KCND2: variants seen among roughly 807,000 people sequenced by gnomAD.
KCND2 encodes potassium voltage-gated channel subfamily D member 2, also known as A-type voltage-gated potassium channel KCND2.
A neutral mutation model predicts 54.4 loss-of-function variants in KCND2; 16 were observed. That is an observed-to-expected ratio of 0.29 (90% CI 0.20 to 0.45). The LOEUF (loss-of-function observed/expected upper bound fraction) is 0.45, where lower values mean the gene tolerates loss of function less well. Ranked by LOEUF, KCND2 falls within the 20% of genes least tolerant of loss-of-function variation. The probability of loss-of-function intolerance (pLI) is 1.00; values close to 1 mark genes in which losing one functional copy is unlikely to be tolerated. For missense variants in KCND2, 486 were observed against 824.2 expected (o/e 0.59, Z 5.02); for synonymous variants, 317 against 310.7 (o/e 1.02, Z -0.21).
At chr7:120,509,692 A>G (rs1352025720) in intron 1 of KCND2, among the ~76,000 whole-genome samples, 1 of 152,084 alleles carries the variant, frequency 6.6e-6, no homozygotes, top group Admixed American at 6.6e-5. Context: ...TTAAGTTGCT[A>G]CAATAGTTTT....
chr7:120,586,539 GGA>G (rs1486220964), intron 1 of KCND2, among the ~76,000 whole-genome samples: 1 of 152,108 alleles, frequency 6.6e-6, no homozygotes, highest in Non-Finnish European at 1.5e-5. Context: ...CACAAATGAA[GGA>G]TTTTTGTCAC....
chr7:120,688,110 A>G (rs892603080), intron 1 of KCND2, among the ~76,000 whole-genome samples: 1 of 152,204 alleles, frequency 6.6e-6, no homozygotes, highest in African/African-American at 2.4e-5. Flanking sequence ...AAGCCAAGCT[A>G]TGTACAGATA....
chr7:120,648,278 G>C (rs1793466495), intron 1 of KCND2, among the ~76,000 whole-genome samples: 1 of 152,094 alleles, frequency 6.6e-6, no homozygotes, highest in East Asian at 1.9e-4. Flanking sequence ...AGTTTGGATA[G>C]TGCAGGTCAA....
At position 120,608,852 on chromosome 7, in the gene KCND2, G is replaced by A. The variant is rs191445492; in HGVS notation, c.1116-124051G>A. 1.1e-4 allele frequency among the ~76,000 whole-genome samples: 16 copies of A among 152,208 alleles called. No individual in the cohort carries two copies. In the East Asian group the frequency reaches 2.7e-3, roughly 26 times the overall value. ...GATCTGCTAGCCTTCCAAACACTGG[G>A]TTGGCTTTTATGATTAAATTGTCTG... On this transcript the variant is annotated intron_variant, in intron 1 of 5. Coordinates refer to ENST00000331113, the MANE Select transcript of KCND2 (RefSeq NM_012281.3).
At chr7:120,657,856 A>AAG (rs912674561) in intron 1 of KCND2, among the ~76,000 whole-genome samples, 3 of 152,078 alleles carry the variant, frequency 2.0e-5, no homozygotes, top group Admixed American at 6.6e-5. Context: ...TCAAAAAAAA[A>AAG]AGAGAGAGAG....
chr7:120,343,174 T>G (rs1382739960), intron 1 of KCND2, among the ~76,000 whole-genome samples: 3 of 152,184 alleles, frequency 2.0e-5, no homozygotes, highest in Non-Finnish European at 4.4e-5. Context: ...CTAGGACTAG[T>G]CAACTTTGTG....
At chr7:120,674,328 C>A (rs1396384896) in intron 1 of KCND2, among the ~76,000 whole-genome samples, 1 of 152,088 alleles carries the variant, frequency 6.6e-6, no homozygotes, top group African/African-American at 2.4e-5. Context: ...AGCCATGAGA[C>A]CTTTGTGTAT....
At chr7:120,460,816 C>T (rs912082843) in intron 1 of KCND2, among the ~76,000 whole-genome samples, 3 of 151,974 alleles carry the variant, frequency 2.0e-5, no homozygotes, top group South Asian at 4.1e-4. Flanking sequence ...AAAAGAAACG[C>T]GTGGAAGACA....
At chr7:120,357,636 C>A (rs545789146) in intron 1 of KCND2, among the ~76,000 whole-genome samples, 78 of 151,602 alleles carry the variant, frequency 5.1e-4, no homozygotes, top group Middle Eastern at 3.4e-3. Flanking sequence ...TAAATACAGG[C>A]AGTATATTAT....
At chr7:120,384,435 G>C (rs115115724) in intron 1 of KCND2, among the ~76,000 whole-genome samples, 360 of 152,074 alleles carry the variant, frequency 2.4e-3, no homozygotes, top group African/African-American at 8.3e-3. Flanking sequence ...ACTTCTCCTT[G>C]CGCTCCACCA....
intron 1 of KCND2, among the ~76,000 whole-genome samples, chr7:120,337,586 C>T (rs1024080361): frequency 6.6e-6 from 1 of 152,124 alleles, no homozygotes; most frequent in Admixed American, 6.5e-5. Context: ...AAATTCTCTT[C>T]CCATTCTAAA....
chr7:120,433,794 A>G (rs1399251770), intron 1 of KCND2, among the ~76,000 whole-genome samples: 1 of 152,244 alleles, frequency 6.6e-6, no homozygotes, highest in Non-Finnish European at 1.5e-5. Flanking sequence ...GCAAGTTTAA[A>G]ATATGCAAGA....
chr7:120,653,108 C>T (rs1791758088), intron 1 of KCND2, among the ~76,000 whole-genome samples: 1 of 151,992 alleles, frequency 6.6e-6, no homozygotes, highest in Non-Finnish European at 1.5e-5. Flanking sequence ...TCTTGGCTCA[C>T]TGCAACCTCT....
At chr7:120,357,719 C>T (rs1048909674) in intron 1 of KCND2, among the ~76,000 whole-genome samples, 12 of 151,998 alleles carry the variant, frequency 7.9e-5, no homozygotes, top group Non-Finnish European at 1.3e-4. Flanking sequence ...GTTCTGGAGG[C>T]TGGAAGTCCA....
At chr7:120,570,887 CAGTT>C (rs939812071) in intron 1 of KCND2, among the ~76,000 whole-genome samples, 1 of 152,114 alleles carries the variant, frequency 6.6e-6, no homozygotes, top group African/African-American at 2.4e-5. Context: ...GCGGTATAAA[CAGTT>C]GGTGTTTCTT....
At chr7:120,479,900 G>A (rs555842007) in intron 1 of KCND2, among the ~76,000 whole-genome samples, 36 of 147,160 alleles carry the variant, frequency 2.4e-4, no homozygotes, top group African/African-American at 8.2e-4. Context: ...CTAGGAGGCC[G>A]AGGCTGCAGT....
At chr7:120,316,481 A>G (rs1799814186) in intron 1 of KCND2, among the ~76,000 whole-genome samples, 1 of 152,232 alleles carries the variant, frequency 6.6e-6, no homozygotes, top group African/African-American at 2.4e-5. Flanking sequence ...CATTTCTCCT[A>G]GACTTTTGAA....
intron 1 of KCND2, among the ~76,000 whole-genome samples, chr7:120,426,627 TCGCC>T (rs1584774118): frequency 1.1e-5 from 1 of 88,170 alleles, no homozygotes; most frequent in African/African-American, 8.1e-5. Context: ...TCTCGCTCTG[TCGCC>T]CAGGCTGGAG....
At chr7:120,564,608 A>G (rs1052093470) in intron 1 of KCND2, among the ~76,000 whole-genome samples, 7 of 152,156 alleles carry the variant, frequency 4.6e-5, no homozygotes, top group African/African-American at 1.7e-4. Context: ...TATTCATTTT[A>G]CCAAAAAAAG....
Sources: gnomAD v4.1 joint callset for allele counts (sites outside exome capture counted in the v4.1 genomes callset) on GRCh38, gnomAD v4.1.1 for gene constraint, MANE v1.5 for transcripts, NCBI Gene and HGNC (gene_info 2026-07-23, HGNC 2026-07-21) for gene names.